LMBRD1: variants seen among roughly 807,000 people sequenced by gnomAD.
LMBRD1 encodes lysosomal cobalamin transport escort protein LMBD1.
LMBRD1 carries 64 observed loss-of-function variants against 74.8 expected under a neutral mutation model. The observed-to-expected ratio is 0.86, with a 90% confidence interval of 0.70 to 1.05. The LOEUF (loss-of-function observed/expected upper bound fraction) is 1.05, where lower values mean the gene tolerates loss of function less well. Ranked by LOEUF, LMBRD1 falls within the 50% of genes least tolerant of loss-of-function variation. The probability of loss-of-function intolerance (pLI) is 0.00; values close to 1 mark genes in which losing one functional copy is unlikely to be tolerated. For missense variants in LMBRD1, 652 were observed against 645.9 expected (o/e 1.01, Z -0.10); for synonymous variants, 204 against 216.3 (o/e 0.94, Z 0.50).
chr6:69,794,411 A>T (rs911361131), intron 1 of LMBRD1, among the ~76,000 whole-genome samples: 1 of 152,230 alleles, frequency 6.6e-6, no homozygotes, highest in African/African-American at 2.4e-5. Flanking sequence ...TGCGTACATA[A>T]AGTCCTGCTG....
chr6:69,795,731 A>G (rs1766210929), intron 1 of LMBRD1, among the ~76,000 whole-genome samples: 1 of 152,226 alleles, frequency 6.6e-6, no homozygotes, highest in Non-Finnish European at 1.5e-5. Flanking sequence ...TATCTGTGAC[A>G]GTGATGGCAG....
chr6:69,736,250 T>C (rs1456907552), intron 7 of LMBRD1, among the ~76,000 whole-genome samples: 1 of 152,142 alleles, frequency 6.6e-6, no homozygotes, highest in African/African-American at 2.4e-5. Flanking sequence ...AAGATCTTTG[T>C]ATAGCAAATA....
chr6:69,724,348 TAAA>T (rs60541159), intron 7 of LMBRD1, among the ~76,000 whole-genome samples: 11 of 122,146 alleles, frequency 9.0e-5, no homozygotes, highest in African/African-American at 1.5e-4. Flanking sequence ...AAGACACATT[TAAA>T]AAAAAAAAAA....
chr6:69,791,086 T>C (rs1468964434), intron 1 of LMBRD1, among the ~76,000 whole-genome samples: 2 of 152,182 alleles, frequency 1.3e-5, no homozygotes, highest in African/African-American at 4.8e-5. Context: ...GAGGTAGAGG[T>C]TGACATCTCT....
intron 8 of LMBRD1, among the ~76,000 whole-genome samples, chr6:69,717,425 C>T (rs543632787): frequency 1.3e-5 from 2 of 152,172 alleles, no homozygotes; most frequent in South Asian, 4.2e-4. Context: ...TATTCTTTCA[C>T]TATTAAGTAT....
At chr6:69,680,245 T>C (rs1047136667) in intron 14 of LMBRD1, among the ~76,000 whole-genome samples, 1 of 152,152 alleles carries the variant, frequency 6.6e-6, no homozygotes, top group African/African-American at 2.4e-5. Context: ...ATGGTTTAAG[T>C]ATTACTTTAG....
chr6:69,778,368 C>A (rs115927687), intron 3 of LMBRD1, among the ~76,000 whole-genome samples: 2,462 of 152,232 alleles, frequency 0.016, 54 homozygotes, highest in African/African-American at 0.055. Context: ...GAGGACACAC[C>A]ATCTTTGGGA....
At chr6:69,754,638 T>A (rs1042025874) in intron 3 of LMBRD1, among the ~76,000 whole-genome samples, 1 of 152,228 alleles carries the variant, frequency 6.6e-6, no homozygotes, top group Non-Finnish European at 1.5e-5. Context: ...CAATGAATAT[T>A]GGTGTTTCTA....
intron 3 of LMBRD1, among the ~76,000 whole-genome samples, chr6:69,754,737 C>G (rs1044854248): frequency 1.3e-5 from 2 of 152,074 alleles, no homozygotes; most frequent in African/African-American, 4.8e-5. Flanking sequence ...GGAACTTAAA[C>G]AAATTTACAA....
At chr6:69,756,026 T>C (rs549850652) in intron 3 of LMBRD1, among the ~76,000 whole-genome samples, 165 of 152,248 alleles carry the variant, frequency 1.1e-3, no homozygotes, top group African/African-American at 3.9e-3. Context: ...AAGACAACTT[T>C]TTTAAAAAAT....
intron 1 of LMBRD1, 120 bp downstream of exon 1, chr6:69,796,693 A>C (rs1184807038): frequency 3.3e-6 from 3 of 900,806 alleles, no homozygotes; most frequent in East Asian, 2.8e-5. Flanking sequence ...TCCACAGTCC[A>C]AGCTAAAAGC....
At chr6:69,777,361 G>A (rs1765726667) in intron 3 of LMBRD1, among the ~76,000 whole-genome samples, 1 of 150,406 alleles carries the variant, frequency 6.6e-6, no homozygotes, top group South Asian at 2.1e-4. Context: ...GGTGAGGCAG[G>A]AGAACTGCTT....
chr6:69,732,171 G>GT (rs1172229126), intron 7 of LMBRD1, among the ~76,000 whole-genome samples: 1 of 152,132 alleles, frequency 6.6e-6, no homozygotes, highest in African/African-American at 2.4e-5. Context: ...ATAAGGTGTT[G>GT]TAACATGAAC....
chr6:69,753,540 A>C (rs1265406460), intron 3 of LMBRD1, among the ~76,000 whole-genome samples: 4 of 152,360 alleles, frequency 2.6e-5, no homozygotes, highest in Admixed American at 6.5e-5. Context: ...TTCCTAAAAA[A>C]ATGAAAAATG....
chr6:69,719,656 A>G (rs1766572305), intron 7 of LMBRD1, among the ~76,000 whole-genome samples: 1 of 152,112 alleles, frequency 6.6e-6, no homozygotes, highest in African/African-American at 2.4e-5. Context: ...ATACTACCCA[A>G]TTTCATATTC....
At chr6:69,786,619 T>A (rs985074692) in intron 2 of LMBRD1, among the ~76,000 whole-genome samples, 1 of 152,120 alleles carries the variant, frequency 6.6e-6, no homozygotes, top group Non-Finnish European at 1.5e-5. Flanking sequence ...ATCTAAAAAG[T>A]TAATTACTTT....
chr6:69,766,053 TAA>T (rs1765469552), intron 3 of LMBRD1, among the ~76,000 whole-genome samples: 1 of 151,894 alleles, frequency 6.6e-6, no homozygotes. Flanking sequence ...AAGACAGTAA[TAA>T]TTCTTCTTTT....
chr6:69,716,162 G>A (rs979689331), intron 8 of LMBRD1, among the ~76,000 whole-genome samples: 2 of 152,138 alleles, frequency 1.3e-5, no homozygotes, highest in African/African-American at 4.8e-5. Context: ...TTGGATGGTA[G>A]TCCTACTTTT....
intron 3 of LMBRD1, among the ~76,000 whole-genome samples, chr6:69,770,640 T>C (rs1028809769): frequency 6.6e-6 from 1 of 152,214 alleles, no homozygotes; most frequent in African/African-American, 2.4e-5. Flanking sequence ...AAAAAATTCA[T>C]GAATTTCACA....
Sources: gnomAD v4.1 joint callset for allele counts (sites outside exome capture counted in the v4.1 genomes callset) on GRCh38, gnomAD v4.1.1 for gene constraint, MANE v1.5 for transcripts, NCBI Gene and HGNC (gene_info 2026-07-23, HGNC 2026-07-21) for gene names.